Variants in LRP4 observed in about 807,000 individuals in gnomAD.
LRP4 encodes the protein LDL receptor related protein 4.
LRP4 carries 95 observed loss-of-function variants against 220.3 expected under a neutral mutation model. That is an observed-to-expected ratio of 0.43 (90% CI 0.37 to 0.51). The LOEUF (loss-of-function observed/expected upper bound fraction) is 0.51, where lower values mean the gene tolerates loss of function less well. LRP4 is among the 20% of genes least tolerant of loss of function. LRP4 has a pLI of 0.00. For synonymous variants in LRP4, 903 were observed against 954.6 expected, an observed-to-expected ratio of 0.95 and a Z score of 1.00; for missense variants, 1,925 against 2,567.0, an observed-to-expected ratio of 0.75 and a Z score of 5.40.
chr11:46,868,236 C>A (rs892525016), intron 33 of LRP4, 122 bp from the exon 34 acceptor site: 5 of 1,095,132 alleles, frequency 4.6e-6, no homozygotes, highest in Non-Finnish European at 6.8e-6. Flanking sequence ...CAGGCACCTT[C>A]ATTAGTAGCC....
chr11:46,880,209 G>A lies in LRP4; in HGVS notation c.2815-894C>T, dbSNP rs181024247. ...TAAAGAGACTAGATTAGTTGGGCCCGGTGGCGCACAGCTCCAGCTACTCAG... is the reference window on the plus strand; with the variant it reads ...TAAAGAGACTAGATTAGTTGGGCCCAGTGGCGCACAGCTCCAGCTACTCAG... On this transcript the variant is annotated intron_variant, in intron 20 of 37. Transcript: ENST00000378623. 2.8e-3 allele frequency among the ~76,000 whole-genome samples: 419 copies of A among 151,798 alleles called. 2 individuals are homozygous for A. The highest frequency in any genetic ancestry group is 9.5e-3 in the African/African-American group (395 of 41,422).
At chr11:46,896,444 G>A in intron 8 of LRP4, 109 bp from the exon 9 acceptor site, 1 of 1,372,556 alleles carries the variant, frequency 7.3e-7, no homozygotes, top group African/African-American at 1.4e-5. Context: ...CTCAAGGTGG[G>A]AGGGTGAGGG....
rs748270486 is a variant in LRP4 at position 46,881,809 on chromosome 11, T to C, written c.2707A>G (p.Thr903Ala). Residue 903 changes from threonine to alanine, a missense_variant, in exon 20 of 38, where the codon ACC (threonine) becomes GCC (alanine). By Grantham distance (58) the Thr-to-Ala change is moderately conservative (BLOSUM62 0). Transcript: ENST00000378623. ...GRQVIISSNL[T>A]WPNGLAIDYG... ...TCAATAGCTAACCCATTAGGCCAGG[T>C]CAGATTAGAAGAGATAATGACTTGG... 3.7e-6 allele frequency: 6 copies of C among 1,614,102 alleles called. No individual in the cohort carries two copies. Among genetic ancestry groups the C allele is most frequent in the Non-Finnish European group, 5.1e-6 (6 of 1,180,052 alleles).
At chr11:46,861,282 T>C (rs189036036) in intron 37 of LRP4, among the ~76,000 whole-genome samples, 1 of 152,238 alleles carries the variant, frequency 6.6e-6, no homozygotes, top group East Asian at 1.9e-4. Context: ...AATACGGGAA[T>C]TCATGGATCC....
chr11:46,913,229 C>T (rs758702938), intron 1 of LRP4, among the ~76,000 whole-genome samples: 12 of 152,156 alleles, frequency 7.9e-5, no homozygotes, highest in Non-Finnish European at 1.3e-4. Context: ...GCGTAAGAGG[C>T]GCCCAAGGGC....
chr11:46,896,950 G>C lies in LRP4; in HGVS notation c.841C>G (p.Arg281Gly). Reference sequence around the variant, plus strand: ...CAGCGCCAGGACAGGCGGACACAGCGGCCTGAGTGACAGCGGAACTGTTCT... The same window carrying C: ...CAGCGCCAGGACAGGCGGACACAGCCGCCTGAGTGACAGCGGAACTGTTCT... ...TAEQFRCHSG[R>G]CVRLSWRCDG... The change falls in exon 8 of 38, where the codon CGC becomes GGC. Residue 281 changes from arginine (R) to glycine (G), a missense_variant. Transcript: ENST00000378623. The C allele has an allele frequency of 6.2e-7, 1 of 1,614,204 alleles. No individual in the cohort carries two copies. The highest frequency in any genetic ancestry group is 8.5e-7 in the Non-Finnish European group (1 of 1,180,026).
rs1219522085 is a variant in LRP4, at chr11:46,897,348, C to CTT, written c.797-356_797-355dup. The stretch of plus-strand genomic sequence containing the variant: ...GGCCTGTTTGTCTTTTTTTTTTTTT[C>CTT]TTTTTATTTTTTTATTTTTATTTTT... On this transcript the variant is annotated intron_variant, in intron 7 of 37. Coordinates refer to ENST00000378623, the MANE Select transcript of LRP4 (RefSeq NM_002334.4). Among the ~76,000 whole-genome samples the CTT allele has an allele frequency of 1.0e-4, 10 of 95,694 alleles. No individual in the cohort carries two copies. In the East Asian group the frequency reaches 4.8e-3, roughly 46 times the overall value. 62.8% of individuals were successfully genotyped at this position (95,694 alleles called of 152,430 possible).
intron 1 of LRP4, among the ~76,000 whole-genome samples, chr11:46,913,841 C>G (rs1391894888): frequency 6.6e-6 from 1 of 152,112 alleles, no homozygotes. Flanking sequence ...GCTTAGCAGA[C>G]TTCTTTTCTA....
In LRP4 at chr11:46,873,688, G is replaced by A; in HGVS notation, c.4230-95C>T. 2 of 965,966 alleles carry A rather than the reference G, an allele frequency of 2.1e-6. No individual in the cohort carries two copies. The highest frequency in any genetic ancestry group is 3.2e-6 in the Non-Finnish European group (2 of 630,358). 59.8% of individuals were successfully genotyped at this position (965,966 alleles called of 1,614,324 possible). A position where few individuals can be genotyped will look rare whatever the true frequency, so the allele number is the denominator to read the frequency against. ...TCCCATAACTGGACCCCACTGAACT[G>A]TAAGCTCCACAGGGATAGAGACCAG... On this transcript the variant is annotated intron_variant, in intron 28 of 37. Transcript: ENST00000378623. The surrounding 1 kb of genome is among the most constrained non-coding windows in gnomAD (Gnocchi z 4.2).
chr11:46,872,945 C>T, intron 30 of LRP4, 155 bp downstream of exon 30: 5 of 1,140,110 alleles, frequency 4.4e-6, no homozygotes, highest in Non-Finnish European at 6.5e-6. Flanking sequence ...TTAGCAATCG[C>T]TGCTCTAAGA....
chr11:46,875,628 C>A lies in LRP4; in HGVS notation c.3753G>T (p.Pro1251=). The change falls in exon 27 of 38, where the codon CCG becomes CCT. Residue 1251 remains proline (P), a synonymous_variant. Coordinates refer to ENST00000378623, the MANE Select transcript of LRP4 (RefSeq NM_002334.4). The surrounding 1 kb of genome is among the most constrained non-coding windows in gnomAD (Gnocchi z 4.5). ...NGANRHTLVS[P]VQHPYGLTLL... Reference sequence around the variant, plus strand: ...GGGTGAGGCCATATGGGTGCTGCACCGGTGACACCAATGTATGCCGATTGG... The same window carrying A: ...GGGTGAGGCCATATGGGTGCTGCACAGGTGACACCAATGTATGCCGATTGG... The A allele has an allele frequency of 6.2e-7, 1 of 1,614,120 alleles. No individual in the cohort carries two copies.
intron 16 of LRP4, among the ~76,000 whole-genome samples, chr11:46,889,032 A>G (rs1295530073): frequency 6.6e-6 from 1 of 152,216 alleles, no homozygotes; most frequent in East Asian, 1.9e-4. Flanking sequence ...TCCTGGTTTA[A>G]GGGCCGAAAG....
At chr11:46,872,192 G>A (rs1454902945) in intron 30 of LRP4, among the ~76,000 whole-genome samples, 1 of 152,180 alleles carries the variant, frequency 6.6e-6, no homozygotes, top group African/African-American at 2.4e-5. Context: ...GGAGGCGGAG[G>A]TTGCAGTGAG....
At position 46,877,221 on chromosome 11, in the gene LRP4, G is replaced by C; in HGVS notation, c.3255C>G (p.Ala1085=). 6.2e-7 allele frequency: 1 copy of C among 1,613,896 alleles called. No individual in the cohort carries two copies. ...GACCTTCCTGGGGGTCTACTCCAAT[G>C]GCAATGGTGTTCTTCATGGTAATGT... The part of the protein sequence containing the change: ...PINITMKNTI[A]IGVDPQEGKV... The change falls in exon 23 of 38, where the codon GCC becomes GCG. Residue 1085 remains alanine, a synonymous_variant. Coordinates refer to ENST00000378623, the MANE Select transcript of LRP4 (RefSeq NM_002334.4).
chr11:46,910,985 C>T (rs1941850385), intron 1 of LRP4, among the ~76,000 whole-genome samples: 1 of 152,064 alleles, frequency 6.6e-6, no homozygotes, highest in Non-Finnish European at 1.5e-5. Context: ...AAATCTTTGC[C>T]TAATTTATCA....
In LRP4 at chr11:46,875,795, G is replaced by A. The variant is rs773953657; in HGVS notation, c.3699+9C>T. 3 of 1,614,078 alleles carry A rather than the reference G, an allele frequency of 1.9e-6. No individual in the cohort carries two copies. The highest frequency in any genetic ancestry group is 2.2e-5 in the East Asian group (1 of 44,866). On this transcript the variant is annotated intron_variant, in intron 26 of 37. Coordinates refer to ENST00000378623, the MANE Select transcript of LRP4 (RefSeq NM_002334.4). This position sits in a 1 kb window ranked among gnomAD's most constrained non-coding sequence, Gnocchi z 4.5. The stretch of plus-strand genomic sequence containing the variant: ...GGCTCCTGGGAAGCAGCAGGGACAC[G>A]GCTCTCACCTCGGTGTGGGCATCGG...
intron 36 of LRP4, 32 bp from the exon 37 acceptor site, chr11:46,862,779 G>A (rs374333672): frequency 2.5e-4 from 403 of 1,608,472 alleles, no homozygotes; most frequent in Non-Finnish European, 3.1e-4. Flanking sequence ...GAAATTAGTC[G>A]AGATCTTTAA....
intron 20 of LRP4, among the ~76,000 whole-genome samples, chr11:46,881,055 A>C (rs1336573178): frequency 7.8e-6 from 1 of 128,116 alleles, no homozygotes; most frequent in Non-Finnish European, 1.7e-5. Flanking sequence ...GCCTCTAAAA[A>C]ACCAAAAAAA....
At chr11:46,883,427 G>A (rs1184988591) in intron 19 of LRP4, among the ~76,000 whole-genome samples, 1 of 152,256 alleles carries the variant, frequency 6.6e-6, no homozygotes, top group Non-Finnish European at 1.5e-5. Context: ...ACAATAGCAT[G>A]AGCTATCTGT....
Sources: gnomAD v4.1 joint callset for allele counts (sites outside exome capture counted in the v4.1 genomes callset) on GRCh38, gnomAD v4.1.1 for gene constraint, Gnocchi (gnomAD v3.1) non-coding constraint, MANE v1.5 for transcripts, NCBI Gene and HGNC (gene_info 2026-07-23, HGNC 2026-07-21) for gene names.